The following CA5A variants were observed in gnomAD, a reference collection of about 807,000 sequenced individuals.
The protein encoded by CA5A is carbonic anhydrase 5A.
A neutral mutation model predicts 37.1 loss-of-function variants in CA5A; 28 were observed. The observed-to-expected ratio is 0.75, with a 90% confidence interval of 0.56 to 1.03. CA5A has a LOEUF of 1.03. CA5A is among the 50% of genes least tolerant of loss of function. The pLI, the probability that CA5A is intolerant of heterozygous loss-of-function variation, is 0.00. For missense variants in CA5A, 444 were observed against 399.9 expected, an observed-to-expected ratio of 1.11 and a Z score of -0.94; for synonymous variants, 171 against 158.4, an observed-to-expected ratio of 1.08 and a Z score of -0.60.
intron 2 of CA5A, among the ~76,000 whole-genome samples, chr16:87,916,093 G>A (rs536765802): frequency 1.1e-4 from 17 of 151,324 alleles, no homozygotes; most frequent in Non-Finnish European, 2.1e-4. Flanking sequence ...GCGTGAACCC[G>A]GGAGGTGGAG....
intron 2 of CA5A, among the ~76,000 whole-genome samples, chr16:87,909,178 C>T (rs1324257495): frequency 6.6e-6 from 1 of 152,066 alleles, no homozygotes; most frequent in East Asian, 1.9e-4. Context: ...CCGGATCCCC[C>T]GCCTCTCTAC....
At chr16:87,891,684 C>T in intron 6 of CA5A, 115 bp downstream of exon 6, 1 of 965,990 alleles carries the variant, frequency 1.0e-6, no homozygotes. Flanking sequence ...GCCCCAAATG[C>T]ATGAAAGAAT....
chr16:87,906,626 CA>C (rs980322072), intron 2 of CA5A, among the ~76,000 whole-genome samples: 9 of 145,802 alleles, frequency 6.2e-5, no homozygotes, highest in Admixed American at 1.4e-4. Flanking sequence ...GAATCAGTCT[CA>C]AAAAAAAAAG....
chr16:87,902,538 G>C lies in CA5A; in HGVS notation c.460-18C>G, dbSNP rs746334302. 9 of 1,301,770 alleles carry C rather than the reference G, an allele frequency of 6.9e-6. No homozygotes were observed. Among genetic ancestry groups the C allele is most frequent in the East Asian group, 4.6e-5 (2 of 43,442 alleles). The allele number at this position is 1,301,770 out of a possible 1,614,324, so 80.6% of individuals were successfully genotyped here. A position where few individuals can be genotyped will look rare whatever the true frequency, so the allele number is the denominator to read the frequency against. On this transcript the variant is annotated intron_variant, in intron 3 of 6. Transcript: ENST00000649794. Reference sequence around the variant, plus strand: ...AAATGCAGCTGAAACACAATGGAAAGAGAACTTAAATTGATCAGCAAGAAA... The same window carrying C: ...AAATGCAGCTGAAACACAATGGAAACAGAACTTAAATTGATCAGCAAGAAA...
intron 5 of CA5A, among the ~76,000 whole-genome samples, chr16:87,897,571 C>T (rs1241130073): frequency 6.6e-6 from 1 of 152,210 alleles, no homozygotes; most frequent in African/African-American, 2.4e-5. Flanking sequence ...GTTTTGGTTA[C>T]AGACACTGCC....
At chr16:87,906,697 G>C (rs1285838693) in intron 2 of CA5A, among the ~76,000 whole-genome samples, 5 of 152,084 alleles carry the variant, frequency 3.3e-5, no homozygotes, top group Admixed American at 1.3e-4. Flanking sequence ...TTTGGCTTTA[G>C]TCCAGTCAGG....
intron 2 of CA5A, among the ~76,000 whole-genome samples, chr16:87,906,559 G>A (rs377644194): frequency 9.9e-5 from 15 of 152,184 alleles, no homozygotes; most frequent in African/African-American, 2.4e-4. Flanking sequence ...CCTGGGAGGC[G>A]GAGGTTGCAG....
intron 2 of CA5A, among the ~76,000 whole-genome samples, chr16:87,907,571 C>T (rs1201579623): frequency 4.6e-5 from 7 of 152,210 alleles, no homozygotes; most frequent in Admixed American, 4.6e-4. Flanking sequence ...CTGGACCCAG[C>T]CTGGTAGATG....
At chr16:87,917,104 C>CAAAAAAAAAAAAAA (rs762381468) in intron 2 of CA5A, among the ~76,000 whole-genome samples, 1 of 65,886 alleles carries the variant, frequency 1.5e-5, no homozygotes, top group Non-Finnish European at 3.6e-5. Flanking sequence ...GAGTCTGTCT[C>CAAAAAAAAAAAAAA]AAAAAAAAAA....
At chr16:87,933,282 A>C (rs891332804) in intron 1 of CA5A, among the ~76,000 whole-genome samples, 8 of 152,252 alleles carry the variant, frequency 5.3e-5, no homozygotes, top group African/African-American at 1.9e-4. Context: ...GGCCAATTTT[A>C]AGTTACCAAC....
At chr16:87,898,276 G>C (rs150110713) in intron 5 of CA5A, among the ~76,000 whole-genome samples, 70 of 152,338 alleles carry the variant, frequency 4.6e-4, no homozygotes, top group African/African-American at 1.6e-3. Flanking sequence ...GAAGCTGCAG[G>C]TGAGCCCGTC....
intron 2 of CA5A, among the ~76,000 whole-genome samples, chr16:87,920,799 A>AG (rs2056219904): frequency 5.4e-5 from 8 of 148,540 alleles, no homozygotes; most frequent in African/African-American, 2.0e-4. Context: ...TTGTATTTTT[A>AG]CTTTTTTTTT....
intron 2 of CA5A, chr16:87,923,914 AC>A (rs2056265011): frequency 1.0e-6 from 1 of 984,866 alleles, no homozygotes; most frequent in Admixed American, 6.1e-5. Flanking sequence ...AAGTTCAGGA[AC>A]TATTTTTGGT....
intron 2 of CA5A, among the ~76,000 whole-genome samples, chr16:87,907,354 G>A (rs548637800): frequency 6.6e-5 from 10 of 152,312 alleles, no homozygotes; most frequent in African/African-American, 2.4e-4. Context: ...GGGAAAGGGG[G>A]TTTGCAGCCG....
At chr16:87,934,241 C>T (rs765448497) in intron 1 of CA5A, among the ~76,000 whole-genome samples, 8 of 152,220 alleles carry the variant, frequency 5.3e-5, no homozygotes, top group Non-Finnish European at 8.8e-5. Flanking sequence ...CTGTTACAGA[C>T]GACAAAACCA....
chr16:87,919,855 T>C (rs756347415), intron 2 of CA5A, among the ~76,000 whole-genome samples: 1 of 152,108 alleles, frequency 6.6e-6, no homozygotes, highest in Non-Finnish European at 1.5e-5. Context: ...TTTGCAAATC[T>C]CTTCCCAACT....
chr16:87,888,826 C>G (rs752564478), intron 6 of CA5A, among the ~76,000 whole-genome samples: 1 of 152,142 alleles, frequency 6.6e-6, no homozygotes, highest in Non-Finnish European at 1.5e-5. Flanking sequence ...GATCTCAGCT[C>G]GCTGCAACCT....
chr16:87,923,852 T>G, intron 2 of CA5A: 1 of 984,600 alleles, frequency 1.0e-6, no homozygotes, highest in South Asian at 4.7e-5. Flanking sequence ...ATGACAACTA[T>G]TGTTCTCAAA....
At chr16:87,916,898 C>T (rs530607107) in intron 2 of CA5A, among the ~76,000 whole-genome samples, 54 of 151,992 alleles carry the variant, frequency 3.6e-4, no homozygotes, top group East Asian at 1.2e-3. Flanking sequence ...GTCAGGAGAT[C>T]GAGGCCATCC....
Sources: gnomAD v4.1 joint callset for allele counts (sites outside exome capture counted in the v4.1 genomes callset) on GRCh38, gnomAD v4.1.1 for gene constraint, MANE v1.5 for transcripts, NCBI Gene and HGNC (gene_info 2026-07-23, HGNC 2026-07-21) for gene names.